The following PRUNE2 variants were observed in gnomAD, a reference collection of about 807,000 sequenced individuals.
PRUNE2 encodes protein prune homolog 2.
In PRUNE2, 164 loss-of-function variants were observed where a neutral mutation model predicts 252.0. The observed-to-expected ratio is 0.65, with a 90% CI of 0.57 to 0.74. The LOEUF is 0.74. Among genes scored for constraint, PRUNE2 ranks in the 30% least tolerant of loss-of-function variants. The pLI, the probability that PRUNE2 is intolerant of heterozygous loss-of-function variation, is 0.00. For synonymous variants in PRUNE2, 1,292 were observed against 1,350.2 expected, an observed-to-expected ratio of 0.96 and a Z score of 0.94; for missense variants, 3,495 against 3,711.0, an observed-to-expected ratio of 0.94 and a Z score of 1.51.
At chr9:76,621,277 G>T (rs531039585) in intron 17 of PRUNE2, among the ~76,000 whole-genome samples, 156 of 152,264 alleles carry the variant, frequency 1.0e-3, no homozygotes, top group Non-Finnish European at 2.1e-3. Flanking sequence ...GATCTGCAGT[G>T]ATCATGTTTA....
chr9:76,896,836 C>T (rs1343803651), intron 1 of PRUNE2, among the ~76,000 whole-genome samples: 3 of 152,184 alleles, frequency 2.0e-5, no homozygotes, highest in East Asian at 1.9e-4. Context: ...GAAGAAACTA[C>T]AAAACCAAAT....
At chr9:76,636,641 A>G in intron 14 of PRUNE2, 84 bp from the exon 15 acceptor site, 1 of 756,376 alleles carries the variant, frequency 1.3e-6, no homozygotes, top group South Asian at 1.7e-5. Flanking sequence ...CCTAAATAAG[A>G]ATATATATAA....
chr9:76,708,428 A>G lies in PRUNE2; in HGVS notation c.3846T>C (p.His1282=), dbSNP rs140202106. The change falls in exon 8 of 19, where the codon CAT becomes CAC. Residue 1282 remains histidine (H), a synonymous_variant. Transcript: ENST00000376718. ...CCCTCTCTGTGTCCTGCTTGTCAAGATGAGATATAAGTGCCTCTGATTCAC... is the reference window on the plus strand; with the variant it reads ...CCCTCTCTGTGTCCTGCTTGTCAAGGTGAGATATAAGTGCCTCTGATTCAC... ...GTSESEALIS[H]LDKQDTERET... 7.3e-4 allele frequency: 1,173 copies of G among 1,613,840 alleles called. 13 individuals are homozygous for G. The African/African-American group carries it at 0.014, about 19-fold the overall frequency.
Position 76,617,829 on chromosome 9 carries a change from C to T in PRUNE2, c.9236+1511G>A, listed in dbSNP as rs73454183. Among the ~76,000 whole-genome samples, 630 of 152,324 alleles carry T rather than the reference C, an allele frequency of 4.1e-3. 3 individuals are homozygous for T. Among genetic ancestry groups the T allele is most frequent in the African/African-American group, 0.014 (596 of 41,580 alleles). On this transcript the variant is annotated intron_variant, in intron 18 of 18. Transcript: ENST00000376718. ...GTGGGTAAGCCCCAAGATGTAGCAG[C>T]GATGGGCCAGCCATTGGCTGGGCTT... is the stretch of plus-strand genomic sequence containing the variant.
intron 17 of PRUNE2, among the ~76,000 whole-genome samples, chr9:76,622,131 CTGAATG>C (rs1200281522): frequency 6.6e-6 from 1 of 152,170 alleles, no homozygotes; most frequent in East Asian, 1.9e-4. Flanking sequence ...CAGCAATGAA[CTGAATG>C]TTATGCAAAT....
Position 76,703,948 on chromosome 9 carries a change from A to G in PRUNE2, c.7665T>C (p.Arg2555=). 6.2e-7 allele frequency: 1 copy of G among 1,613,804 alleles called. No homozygotes were observed. Among genetic ancestry groups the G allele is most frequent in the Non-Finnish European group, 8.5e-7 (1 of 1,179,868 alleles). ...ALHMDYILVN[R]EENSHSKPET... is the part of the protein sequence containing the mutation. ...CTGGCTTTGAGTGTGAATTTTCTTC[A>G]CGGTTTACAAGTATGTAATCCATGT... The change falls in exon 9 of 19, where the codon CGT becomes CGC. Residue 2555 remains arginine (R), a synonymous_variant. Transcript: ENST00000376718.
intron 1 of PRUNE2, among the ~76,000 whole-genome samples, chr9:76,861,787 T>C (rs76545999): frequency 8.6e-6 from 1 of 116,010 alleles, no homozygotes; most frequent in Admixed American, 8.2e-5. Flanking sequence ...ATTTACAGCA[T>C]TTTTTTTTTT....
Position 76,705,494 on chromosome 9 carries a change from C to T in PRUNE2, c.6780G>A (p.Gln2260=), listed in dbSNP as rs1365793319. 1 of 1,613,896 alleles carries T rather than the reference C, an allele frequency of 6.2e-7. No individual in the cohort carries two copies. The highest frequency in any genetic ancestry group is 1.3e-5 in the African/African-American group (1 of 74,946). ...CATCAAACAAAGCTCTTGCACCAGG[C>T]TGACTTTCAGGAGAAAAGCTGTCTG... is the stretch of plus-strand genomic sequence containing the variant. ...WISDSFSPES[Q]PGARALFDGD... is the part of the protein sequence containing the mutation. Residue 2260 remains glutamine (Q), a synonymous_variant, in exon 8 of 19, where the codon CAG becomes CAA. Coordinates refer to ENST00000376718, the MANE Select transcript of PRUNE2 (RefSeq NM_015225.3).
chr9:76,828,978 C>T (rs1420828300), intron 4 of PRUNE2, among the ~76,000 whole-genome samples: 2 of 133,410 alleles, frequency 1.5e-5, no homozygotes, highest in Admixed American at 1.7e-4. Flanking sequence ...GATCACGCCA[C>T]TTCACTCCAG....
intron 6 of PRUNE2, among the ~76,000 whole-genome samples, chr9:76,773,240 G>C (rs961509646): frequency 1.3e-5 from 2 of 152,100 alleles, no homozygotes; most frequent in Non-Finnish European, 2.9e-5. Flanking sequence ...GACTGAGAAG[G>C]AATGCAATAA....
At chr9:76,846,734 T>G (rs1194049050) in intron 3 of PRUNE2, 56 bp from the exon 4 acceptor site, 1 of 1,478,960 alleles carries the variant, frequency 6.8e-7, no homozygotes, top group African/African-American at 1.4e-5. Flanking sequence ...CTTATTACTT[T>G]TTGGAATGTT....
chr9:76,722,723 T>C (rs1269437959), intron 6 of PRUNE2, among the ~76,000 whole-genome samples: 2 of 152,158 alleles, frequency 1.3e-5, no homozygotes, highest in Non-Finnish European at 1.5e-5. Flanking sequence ...ATAGGTAACA[T>C]GGTCTCTGTT....
chr9:76,710,523 T>A lies in PRUNE2; in HGVS notation c.1751A>T (p.Asn584Ile). 1 of 1,614,028 alleles carries A rather than the reference T, an allele frequency of 6.2e-7. No homozygotes were observed. The highest frequency in any genetic ancestry group is 8.5e-7 in the Non-Finnish European group (1 of 1,179,898). Reference sequence around the variant, plus strand: ...TCCCACAAAATCTGTCAGGCTCAAATTTCTTTCAGAGTTATCTCTGGGACT... The same window carrying A: ...TCCCACAAAATCTGTCAGGCTCAAAATTCTTTCAGAGTTATCTCTGGGACT... The part of the protein sequence containing the change: ...QDSPRDNSER[N>I]LSLTDFVGDE... The change falls in exon 8 of 19, where the codon AAT becomes ATT. Residue 584 changes from asparagine (N) to isoleucine (I), a missense_variant. Asn to Ile is a moderately radical substitution (Grantham distance 149). Transcript: ENST00000376718.
chr9:76,870,243 T>C (rs1414874627), intron 1 of PRUNE2, among the ~76,000 whole-genome samples: 1 of 151,884 alleles, frequency 6.6e-6, no homozygotes, highest in Non-Finnish European at 1.5e-5. Flanking sequence ...TAAATATAAA[T>C]TCTTGTCAAA....
chr9:76,742,773 A>G (rs79293984), intron 6 of PRUNE2, among the ~76,000 whole-genome samples: 8,370 of 152,282 alleles, frequency 0.055, 740 homozygotes, highest in African/African-American at 0.19. Context: ...TCAAGAAAAA[A>G]CCAATTAAAC....
At chr9:76,656,759 G>T (rs1305208716) in intron 9 of PRUNE2, among the ~76,000 whole-genome samples, 1 of 152,102 alleles carries the variant, frequency 6.6e-6, no homozygotes, top group South Asian at 2.1e-4. Flanking sequence ...TGCTCCCCTG[G>T]ATAGAGGTAA....
At chr9:76,639,352 G>A (rs1439204764) in intron 12 of PRUNE2, among the ~76,000 whole-genome samples, 6 of 152,040 alleles carry the variant, frequency 3.9e-5, no homozygotes, top group East Asian at 3.9e-4. Flanking sequence ...TTAGCCAAGC[G>A]TGGTGGCACA....
At chr9:76,780,455 A>AG (rs2054251321) in intron 6 of PRUNE2, among the ~76,000 whole-genome samples, 1 of 152,164 alleles carries the variant, frequency 6.6e-6, no homozygotes. Context: ...TGGGAGGCCG[A>AG]GGCGGGCGGA....
At chr9:76,683,979 G>A (rs1051138287) in intron 9 of PRUNE2, among the ~76,000 whole-genome samples, 2 of 150,790 alleles carry the variant, frequency 1.3e-5, no homozygotes, top group Admixed American at 6.6e-5. Context: ...ACACACACAC[G>A]AATATATATT....
Sources: allele counts gnomAD v4.1 joint callset (sites outside exome capture counted in the v4.1 genomes callset), GRCh38; gene constraint gnomAD v4.1.1; transcripts MANE v1.5; gene names NCBI Gene and HGNC (gene_info 2026-07-23, HGNC 2026-07-21).